Variants in REDIC1 observed in about 807,000 individuals in gnomAD.
REDIC1 encodes the protein HEI10 Interacting Protein 1.
chr12:39,672,305 G>C, the REDIC1 span, among the ~76,000 whole-genome samples: 1 of 152,078 alleles, frequency 6.6e-6, no homozygotes, highest in African/African-American at 2.4e-5. Flanking sequence ...AACAGGGCAG[G>C]CTGGTCCCCG....
chr12:39,712,790 T>C, the REDIC1 span, among the ~76,000 whole-genome samples: 1 of 121,342 alleles, frequency 8.2e-6, no homozygotes, highest in Non-Finnish European at 1.8e-5. Flanking sequence ...TATATACGTA[T>C]ATGTATATAT....
At chr12:39,708,026 G>A in the REDIC1 span, among the ~76,000 whole-genome samples, 1 of 151,754 alleles carries the variant, frequency 6.6e-6, no homozygotes, top group Non-Finnish European at 1.5e-5. Context: ...TAGTTGTGGG[G>A]TTGGGAGGGT....
At chr12:39,896,540 G>A in the REDIC1 span, among the ~76,000 whole-genome samples, 1 of 142,046 alleles carries the variant, frequency 7.0e-6, no homozygotes, top group Non-Finnish European at 1.5e-5. Context: ...ATGTATGTAT[G>A]TATGTGTGTA....
chr12:39,705,022 T>C, the REDIC1 span, among the ~76,000 whole-genome samples: 4 of 151,932 alleles, frequency 2.6e-5, no homozygotes, highest in Non-Finnish European at 4.4e-5. Flanking sequence ...TGTATACATA[T>C]GTAACTAACC....
chr12:39,726,597 T>C, the REDIC1 span, among the ~76,000 whole-genome samples: 7 of 152,228 alleles, frequency 4.6e-5, no homozygotes, highest in African/African-American at 1.7e-4. Flanking sequence ...AAGTCTTTGC[T>C]ATTGTGAATA....
chr12:39,778,798 C>T, the REDIC1 span, among the ~76,000 whole-genome samples: 2 of 152,134 alleles, frequency 1.3e-5, no homozygotes, highest in African/African-American at 4.8e-5. Flanking sequence ...ATACCAATGA[C>T]TGAAAAACAG....
the REDIC1 span, among the ~76,000 whole-genome samples, chr12:39,651,331 A>C: frequency 1.8e-4 from 27 of 152,268 alleles, no homozygotes; most frequent in Middle Eastern, 6.8e-3. Context: ...AACTGCAGAA[A>C]GTGAAACTGT....
At chr12:39,626,291 T>G in the REDIC1 span, 11 of 1,611,738 alleles carry the variant, frequency 6.8e-6, no homozygotes, top group East Asian at 2.2e-5. Context: ...AGCTGAGATG[T>G]CTGAGCTCTA....
the REDIC1 span, among the ~76,000 whole-genome samples, chr12:39,817,835 C>G: frequency 6.6e-6 from 1 of 152,052 alleles, no homozygotes; most frequent in African/African-American, 2.4e-5. Context: ...AAAGACGGTT[C>G]CTTGACCAGC....
chr12:39,686,659 G>C, the REDIC1 span, among the ~76,000 whole-genome samples: 1 of 150,182 alleles, frequency 6.7e-6, no homozygotes, highest in Non-Finnish European at 1.5e-5. Context: ...CACTTAGCTC[G>C]TTTTTTACTT....
the REDIC1 span, among the ~76,000 whole-genome samples, chr12:39,726,804 T>G: frequency 8.5e-5 from 13 of 152,304 alleles, no homozygotes; most frequent in African/African-American, 3.1e-4. Flanking sequence ...TTCCTATTTC[T>G]CCATATCCTC....
the REDIC1 span, among the ~76,000 whole-genome samples, chr12:39,748,770 C>G: frequency 6.6e-6 from 1 of 152,198 alleles, no homozygotes; most frequent in Non-Finnish European, 1.5e-5. Context: ...GAAACTCACT[C>G]AAAACCACTC....
At chr12:39,666,865 T>C in the REDIC1 span, among the ~76,000 whole-genome samples, 1 of 152,238 alleles carries the variant, frequency 6.6e-6, no homozygotes, top group Admixed American at 6.5e-5. Context: ...GAGGTGTTTA[T>C]AGTATTCTCT....
the REDIC1 span, among the ~76,000 whole-genome samples, chr12:39,813,024 T>C: frequency 7.4e-6 from 1 of 134,980 alleles, no homozygotes; most frequent in East Asian, 2.2e-4. Context: ...TTTTTTTTTT[T>C]AGTAGAGATG....
At chr12:39,702,968 G>A in the REDIC1 span, among the ~76,000 whole-genome samples, 2 of 152,144 alleles carry the variant, frequency 1.3e-5, no homozygotes, top group East Asian at 3.8e-4. Flanking sequence ...CAAACCCACA[G>A]CCAGTATCAT....
the REDIC1 span, among the ~76,000 whole-genome samples, chr12:39,664,425 A>G: frequency 6.6e-6 from 1 of 152,126 alleles, no homozygotes; most frequent in Non-Finnish European, 1.5e-5. Flanking sequence ...TTATGGCTGC[A>G]TAGTATTCCA....
At chr12:39,855,068 A>T in the REDIC1 span, among the ~76,000 whole-genome samples, 2 of 152,202 alleles carry the variant, frequency 1.3e-5, no homozygotes, top group African/African-American at 4.8e-5. Flanking sequence ...GCAACAACAG[A>T]AGTCACATAT....
chr12:39,829,424 T>TTTTTTTTTTTTTA, the REDIC1 span: 1 of 127,956 alleles, frequency 7.8e-6, no homozygotes, highest in African/African-American at 3.0e-5. Flanking sequence ...TTCTTTTTTT[T>TTTTTTTTTTTTTA]GAGGCAGAGT....
chr12:39,718,580 C>A, the REDIC1 span, among the ~76,000 whole-genome samples: 3 of 152,102 alleles, frequency 2.0e-5, no homozygotes, highest in Non-Finnish European at 4.4e-5. Flanking sequence ...AACCTGACTG[C>A]ATTTGCACAA....
Sources: gnomAD v4.1 joint callset for allele counts (sites outside exome capture counted in the v4.1 genomes callset) on GRCh38, gnomAD v4.1.1 for gene constraint, MANE v1.5 for transcripts, NCBI Gene and HGNC (gene_info 2026-07-23, HGNC 2026-07-21) for gene names.